ITGA8: variants seen among roughly 807,000 people sequenced by gnomAD.
The protein encoded by ITGA8 is integrin subunit alpha 8, also known as integrin alpha-8.
In ITGA8, 91 loss-of-function variants were observed where a neutral mutation model predicts 142.3. The ratio of observed to expected loss-of-function variants is 0.64; its 90% CI spans 0.54 to 0.76. ITGA8 has a LOEUF of 0.76. ITGA8 is among the 30% of genes least tolerant of loss of function. The probability of loss-of-function intolerance (pLI) is 0.00; values close to 1 mark genes in which losing one functional copy is unlikely to be tolerated. For missense variants in ITGA8, 1,406 were observed against 1,327.7 expected, an observed-to-expected ratio of 1.06 and a Z score of -0.92; for synonymous variants, 505 against 485.2, an observed-to-expected ratio of 1.04 and a Z score of -0.54.
chr10:15,669,175 T>C (rs1564400765), intron 8 of ITGA8, among the ~76,000 whole-genome samples: 1 of 152,228 alleles, frequency 6.6e-6, no homozygotes, highest in Non-Finnish European at 1.5e-5. Context: ...GTAGATTTGG[T>C]CTTTTCACAT....
Position 15,718,694 on chromosome 10 carries a change from G to A in ITGA8, c.343+72C>T, listed in dbSNP as rs1165101037. ...AACGAGCAGCACACCAAGACAGCGGGAAGTCGCCTCTGGGATGGCCCTGGT... is the reference window on the plus strand; with the variant it reads ...AACGAGCAGCACACCAAGACAGCGGAAAGTCGCCTCTGGGATGGCCCTGGT... On this transcript the variant is annotated intron_variant, in intron 2 of 29. Transcript: ENST00000378076. 9 of 1,577,372 alleles carry A rather than the reference G, an allele frequency of 5.7e-6. 1 individual carries two copies. The African/African-American group carries it at 1.1e-4, about 19-fold the overall frequency.
rs530458055 is a variant in ITGA8, at chr10:15,529,548, C to T, written c.2982+1502G>A. Reference sequence around the variant, plus strand: ...AACCCTGGCTCCCCTGCAGAATTGTCTCTCATAAGACTTTTAAAGCACAGT... The same window carrying T: ...AACCCTGGCTCCCCTGCAGAATTGTTTCTCATAAGACTTTTAAAGCACAGT... On this transcript the variant is annotated intron_variant, in intron 28 of 29. Transcript: ENST00000378076. Among the ~76,000 whole-genome samples, 137 of 152,320 alleles carry T rather than the reference C, an allele frequency of 9.0e-4. No homozygotes were observed. The Middle Eastern group carries it at 0.014, about 15-fold the overall frequency.
intron 28 of ITGA8, among the ~76,000 whole-genome samples, chr10:15,528,664 C>T (rs891158794): frequency 2.6e-5 from 4 of 152,016 alleles, no homozygotes; most frequent in Non-Finnish European, 4.4e-5. Flanking sequence ...TGGAACCAAC[C>T]GTAACATGTG....
intron 8 of ITGA8, among the ~76,000 whole-genome samples, chr10:15,662,494 G>A (rs1240916163): frequency 6.6e-6 from 1 of 151,760 alleles, no homozygotes; most frequent in Non-Finnish European, 1.5e-5. Context: ...ACATGCCACT[G>A]TGCCTGGCTA....
intron 8 of ITGA8, among the ~76,000 whole-genome samples, chr10:15,670,208 A>G (rs898957305): frequency 3.9e-5 from 6 of 152,264 alleles, no homozygotes; most frequent in African/African-American, 1.4e-4. Flanking sequence ...ATATGAAACA[A>G]GATGGAAAAT....
intron 23 of ITGA8, among the ~76,000 whole-genome samples, chr10:15,586,337 G>C (rs1832831703): frequency 6.6e-6 from 1 of 152,174 alleles, no homozygotes; most frequent in African/African-American, 2.4e-5. Flanking sequence ...GGGAGTATAG[G>C]CATGAGCCAC....
intron 2 of ITGA8, among the ~76,000 whole-genome samples, chr10:15,707,501 C>T (rs187012982): frequency 6.6e-6 from 1 of 152,050 alleles, no homozygotes; most frequent in East Asian, 1.9e-4. Context: ...CCAGGGAGAC[C>T]CATTTTAGAC....
chr10:15,548,891 T>A lies in ITGA8; in HGVS notation c.2767-323A>T, dbSNP rs141397521. 2.0e-5 allele frequency among the ~76,000 whole-genome samples: 3 copies of A among 152,318 alleles called. No homozygotes were observed. In the East Asian group the frequency reaches 5.8e-4, roughly 29 times the overall value. On this transcript the variant is annotated intron_variant, in intron 26 of 29. Transcript: ENST00000378076. The stretch of plus-strand genomic sequence containing the variant: ...TATAGATATTCACAATACCCAGTGC[T>A]GGGTTCAGCAAGTCTGGAAGGGGTT...
intron 29 of ITGA8, among the ~76,000 whole-genome samples, chr10:15,518,036 G>A (rs777502452): frequency 3.3e-5 from 5 of 152,144 alleles, no homozygotes; most frequent in Non-Finnish European, 7.4e-5. Flanking sequence ...ATATATAGAG[G>A]GAGAATAGAT....
intron 13 of ITGA8, among the ~76,000 whole-genome samples, chr10:15,626,150 C>CTA (rs762288689): frequency 3.3e-5 from 5 of 152,196 alleles, no homozygotes; most frequent in Non-Finnish European, 7.3e-5. Flanking sequence ...TCTTTGGGCC[C>CTA]TATGTAAATC....
intron 10 of ITGA8, among the ~76,000 whole-genome samples, 198 bp downstream of exon 10, chr10:15,658,801 G>A (rs1453398599): frequency 1.3e-5 from 2 of 152,052 alleles, no homozygotes; most frequent in Non-Finnish European, 2.9e-5. Context: ...TCCCTCCCCT[G>A]CCACCTCACT....
At chr10:15,556,596 T>C (rs1833893705) in intron 26 of ITGA8, among the ~76,000 whole-genome samples, 1 of 152,228 alleles carries the variant, frequency 6.6e-6, no homozygotes, top group African/African-American at 2.4e-5. Flanking sequence ...AATAGGTGTA[T>C]ATATTTATAG....
chr10:15,677,910 G>T (rs1187504421), intron 5 of ITGA8, among the ~76,000 whole-genome samples: 1 of 152,004 alleles, frequency 6.6e-6, no homozygotes, highest in Non-Finnish European at 1.5e-5. Flanking sequence ...CTGTTTTTTG[G>T]CACTGCCTCA....
In ITGA8 at chr10:15,575,446, A is replaced by G. The variant is rs9333188; in HGVS notation, c.2478+43T>C. The G allele has an allele frequency of 8.3e-4, 1,093 of 1,310,870 alleles. 11 individuals carry two copies. In the African/African-American group the frequency reaches 0.014, roughly 17 times the overall value. 81.2% of individuals were successfully genotyped at this position (1,310,870 alleles called of 1,614,324 possible). On this transcript the variant is annotated intron_variant, in intron 24 of 29. Transcript: ENST00000378076. ...CATAGAATTTATTTGCACAGAGCTT[A>G]AGAATAAACCCCTAACACAACTTTA...
At chr10:15,717,950 T>C (rs537811794) in intron 2 of ITGA8, among the ~76,000 whole-genome samples, 1 of 152,274 alleles carries the variant, frequency 6.6e-6, no homozygotes, top group Non-Finnish European at 1.5e-5. Flanking sequence ...CGATTATTTA[T>C]CAAGGACCAT....
chr10:15,626,043 G>A (rs1027574675), intron 13 of ITGA8, among the ~76,000 whole-genome samples: 3 of 152,116 alleles, frequency 2.0e-5, no homozygotes, highest in Non-Finnish European at 4.4e-5. Context: ...AGGCAACATG[G>A]CACCTGCCAG....
intron 8 of ITGA8, among the ~76,000 whole-genome samples, chr10:15,664,736 A>C (rs1174214868): frequency 1.5e-5 from 2 of 136,528 alleles, no homozygotes; most frequent in African/African-American, 2.8e-5. Context: ...CTCATTGTTC[A>C]ATTCCCACCT....
chr10:15,546,512 A>C (rs2131555955), intron 27 of ITGA8, among the ~76,000 whole-genome samples: 1 of 152,260 alleles, frequency 6.6e-6, no homozygotes, highest in African/African-American at 2.4e-5. Context: ...ATCTGGAGAG[A>C]ATTTTGGTTG....
chr10:15,706,002 A>T (rs1835251356), intron 2 of ITGA8, among the ~76,000 whole-genome samples: 1 of 151,374 alleles, frequency 6.6e-6, no homozygotes, highest in Admixed American at 6.6e-5. Flanking sequence ...CTTCATCCAC[A>T]CTCACTCCCT....
Sources: gnomAD v4.1 joint callset for allele counts (sites outside exome capture counted in the v4.1 genomes callset) on GRCh38, gnomAD v4.1.1 for gene constraint, MANE v1.5 for transcripts, NCBI Gene and HGNC (gene_info 2026-07-23, HGNC 2026-07-21) for gene names.